Variants in SEMA3C observed in about 807,000 individuals in gnomAD.
SEMA3C encodes the protein semaphorin 3C.
SEMA3C carries 47 observed loss-of-function variants against 89.4 expected under a neutral mutation model. The observed-to-expected ratio is 0.53, with a 90% CI of 0.42 to 0.67. The LOEUF is 0.67. SEMA3C is among the 30% of genes least tolerant of loss of function. The pLI is 0.00. For synonymous variants in SEMA3C, 310 were observed against 320.2 expected (o/e 0.97, Z 0.34); for missense variants, 839 against 929.1 (o/e 0.90, Z 1.26).
chr7:80,833,689 C>T (rs1229494407), intron 2 of SEMA3C, among the ~76,000 whole-genome samples: 3 of 151,926 alleles, frequency 2.0e-5, no homozygotes, highest in Admixed American at 1.3e-4. Context: ...TTGTAAAAAG[C>T]CTAGGCTATT....
intron 17 of SEMA3C, among the ~76,000 whole-genome samples, chr7:80,747,523 T>C (rs1787829305): frequency 6.6e-6 from 1 of 152,180 alleles, no homozygotes; most frequent in South Asian, 2.1e-4. Context: ...GTTCCTGCCC[T>C]GGCCTAACAA....
intron 4 of SEMA3C, among the ~76,000 whole-genome samples, chr7:80,826,846 A>G (rs1336596797): frequency 6.6e-6 from 1 of 152,174 alleles, no homozygotes; most frequent in African/African-American, 2.4e-5. Context: ...GTAGAAATCA[A>G]TATAGATTTC....
At chr7:80,827,518 A>G in intron 3 of SEMA3C, 31 bp from the exon 4 acceptor site, 2 of 1,583,254 alleles carry the variant, frequency 1.3e-6, no homozygotes, top group Non-Finnish European at 1.7e-6. Context: ...AGGTTGCATA[A>G]TCTCACCTGG....
chr7:80,827,625 A>G, intron 3 of SEMA3C, 138 bp from the exon 4 acceptor site: 1 of 486,670 alleles, frequency 2.1e-6, no homozygotes, highest in Non-Finnish European at 3.5e-6. Context: ...TTTTTTATCA[A>G]TTCATTAATA....
intron 2 of SEMA3C, among the ~76,000 whole-genome samples, chr7:80,877,736 G>A (rs1791233663): frequency 6.6e-6 from 1 of 152,040 alleles, no homozygotes; most frequent in Non-Finnish European, 1.5e-5. Context: ...CTAGTCTTTG[G>A]TTATGCAGTG....
intron 12 of SEMA3C, among the ~76,000 whole-genome samples, chr7:80,783,784 A>C: frequency 6.6e-6 from 1 of 152,204 alleles, no homozygotes; most frequent in East Asian, 1.9e-4. Context: ...CTTTATTCAC[A>C]TATGTGACAC....
intron 17 of SEMA3C, among the ~76,000 whole-genome samples, chr7:80,746,718 G>GGTGGGTGTGTGTGTGTGT (rs1554357890): frequency 7.0e-6 from 1 of 142,930 alleles, no homozygotes; most frequent in African/African-American, 2.6e-5. Flanking sequence ...ATTGAAGTGG[G>GGTGGGTGTGTGTGTGTGT]GTGTGTGTGT....
intron 4 of SEMA3C, among the ~76,000 whole-genome samples, chr7:80,819,316 G>A (rs1475840434): frequency 6.6e-6 from 1 of 151,580 alleles, no homozygotes; most frequent in Non-Finnish European, 1.5e-5. Flanking sequence ...CATTATTCTT[G>A]TATTACAACA....
intron 2 of SEMA3C, among the ~76,000 whole-genome samples, chr7:80,878,663 A>G (rs1046084729): frequency 1.3e-5 from 2 of 152,092 alleles, no homozygotes; most frequent in Non-Finnish European, 2.9e-5. Context: ...GTGGATGTTC[A>G]ATTAGGTGTC....
intron 2 of SEMA3C, among the ~76,000 whole-genome samples, chr7:80,839,098 G>A (rs1301701137): frequency 6.6e-6 from 1 of 152,118 alleles, no homozygotes; most frequent in African/African-American, 2.4e-5. Context: ...CACAATTAGG[G>A]AATATCTCAG....
At chr7:80,873,776 G>C (rs1791130035) in intron 2 of SEMA3C, among the ~76,000 whole-genome samples, 1 of 152,154 alleles carries the variant, frequency 6.6e-6, no homozygotes, top group African/African-American at 2.4e-5. Context: ...GTATGCAAGG[G>C]AGTGATACTC....
In SEMA3C at chr7:80,810,174, G is replaced by A. The variant is rs553469806; in HGVS notation, c.538+437C>T. 1.4e-3 allele frequency among the ~76,000 whole-genome samples: 210 copies of A among 151,952 alleles called. 2 individuals are homozygous for A. The highest frequency in any genetic ancestry group is 4.5e-3 in the African/African-American group (185 of 41,428). ...TGAATTCTTCCATTATGTATACATAGATCAAAACACCACATTGTATCCTAT... is the reference window on the plus strand; with the variant it reads ...TGAATTCTTCCATTATGTATACATAAATCAAAACACCACATTGTATCCTAT... On this transcript the variant is annotated intron_variant, in intron 6 of 17. Transcript: ENST00000265361.
At position 80,872,572 on chromosome 7, in the gene SEMA3C, G is replaced by C. The variant is rs1013748180; in HGVS notation, c.104-43827C>G. ...TAATCCCAGCACTTTGGGAGGTCGA[G>C]GGGGGCGGATCATGAGGTCAAGAGA... On this transcript the variant is annotated intron_variant, in intron 2 of 17. Transcript: ENST00000265361. 2.6e-5 allele frequency among the ~76,000 whole-genome samples: 4 copies of C among 152,080 alleles called. No homozygotes were observed. In the East Asian group the frequency reaches 5.8e-4, roughly 22 times the overall value.
chr7:80,754,631 C>T (rs560414805), intron 15 of SEMA3C, among the ~76,000 whole-genome samples: 6 of 152,092 alleles, frequency 3.9e-5, no homozygotes, highest in Admixed American at 6.5e-5. Flanking sequence ...ATGTAAATAC[C>T]GTAGATATTT....
At chr7:80,808,507 T>C (rs986505611) in intron 6 of SEMA3C, among the ~76,000 whole-genome samples, 2 of 152,212 alleles carry the variant, frequency 1.3e-5, no homozygotes, top group African/African-American at 2.4e-5. Flanking sequence ...GGCTCCTCCC[T>C]GTCCGACTTG....
intron 12 of SEMA3C, among the ~76,000 whole-genome samples, chr7:80,787,266 C>T (rs1198757657): frequency 6.6e-6 from 1 of 151,876 alleles, no homozygotes; most frequent in Non-Finnish European, 1.5e-5. Flanking sequence ...GTGGCATGCG[C>T]TTGTAATCCC....
rs1449995090 is a variant in SEMA3C, at chr7:80,754,957, G to GTTTTTTTTTTGTTTTTTTTTT, written c.1643+3373_1643+3374insAAAAAAAAAACAAAAAAAAAA. On this transcript the variant is annotated intron_variant, in intron 15 of 17. Coordinates refer to ENST00000265361, the MANE Select transcript of SEMA3C (RefSeq NM_006379.5). ...CATGCCTGGCGAATTGTTTTTTTTT[G>GTTTTTTTTTTGTTTTTTTTTT]TTTTTTTTTTTTTTGTATTTTTAGT... is the stretch of plus-strand genomic sequence containing the variant. 2.6e-3 allele frequency among the ~76,000 whole-genome samples: 281 copies of GTTTTTTTTTTGTTTTTTTTTT among 108,258 alleles called. 13 individuals are homozygous for GTTTTTTTTTTGTTTTTTTTTT. The highest frequency in any genetic ancestry group is 4.0e-3 in the South Asian group (12 of 3,034). The allele number at this position is 108,258 out of a possible 152,430, so 71.0% of individuals were successfully genotyped here.
chr7:80,798,699 T>A (rs537480403), intron 10 of SEMA3C, among the ~76,000 whole-genome samples: 86 of 152,222 alleles, frequency 5.6e-4, no homozygotes, highest in Non-Finnish European at 9.0e-4. Flanking sequence ...TCACATGGTA[T>A]CCTGAATACT....
intron 4 of SEMA3C, among the ~76,000 whole-genome samples, chr7:80,823,502 A>C (rs1789802304): frequency 6.6e-6 from 1 of 152,152 alleles, no homozygotes; most frequent in South Asian, 2.1e-4. Flanking sequence ...TAGGCCTTTA[A>C]AAATATTGAC....
Sources: allele counts gnomAD v4.1 joint callset (sites outside exome capture counted in the v4.1 genomes callset), GRCh38; gene constraint gnomAD v4.1.1; transcripts MANE v1.5; gene names NCBI Gene and HGNC (gene_info 2026-07-23, HGNC 2026-07-21).